The following DMD variants were observed in gnomAD, a reference collection of about 807,000 sequenced individuals.
DMD encodes the protein dystrophin.
In DMD, 63 loss-of-function variants were observed where a neutral mutation model predicts 330.1. The ratio of observed to expected loss-of-function variants is 0.19; its 90% CI spans 0.16 to 0.24. The LOEUF is 0.24. DMD is among the 10% of genes least tolerant of loss of function. The pLI is 1.00. For synonymous variants in DMD, 1,223 were observed against 959.8 expected (o/e 1.27, Z -5.07); for missense variants, 3,344 against 2,684.1 (o/e 1.25, Z -5.43).
chrX:31,838,096 T>A (rs908212924), intron 48 of DMD, among the ~76,000 whole-genome samples: 5 of 111,861 alleles, frequency 4.5e-5, no homozygotes, highest in African/African-American at 1.6e-4. Context: ...GGAATGACTG[T>A]ATGTCTTTGC....
At chrX:32,993,601 A>G (rs919113775) in intron 2 of DMD, among the ~76,000 whole-genome samples, 1 of 110,080 alleles carries the variant, frequency 9.1e-6, no homozygotes, top group African/African-American at 3.3e-5. Context: ...TCCATCTCAA[A>G]AAAAGGAAAA....
intron 43 of DMD, among the ~76,000 whole-genome samples, chrX:32,255,787 G>A (rs899427943): frequency 9.0e-6 from 1 of 111,647 alleles, no homozygotes; most frequent in African/African-American, 3.3e-5. Context: ...AAATCACAGA[G>A]TTATTTTACT....
chrX:32,737,619 A>G (rs2068688414), intron 7 of DMD, among the ~76,000 whole-genome samples: 1 of 111,977 alleles, frequency 8.9e-6, no homozygotes, highest in Non-Finnish European at 1.9e-5. Context: ...AAAAACATGT[A>G]TCTGTGGCAG....
At chrX:32,883,846 A>AGAAAAGAAAAG (rs768177600) in intron 2 of DMD, among the ~76,000 whole-genome samples, 6 of 101,965 alleles carry the variant, frequency 5.9e-5, no homozygotes, top group African/African-American at 2.2e-4. Context: ...AAAAAAAAAA[A>AGAAAAGAAAAG]AAAAAGAAAA....
chrX:31,752,040 A>C (rs1005869736), intron 51 of DMD, among the ~76,000 whole-genome samples: 5 of 111,064 alleles, frequency 4.5e-5, no homozygotes, highest in Non-Finnish European at 9.4e-5. Flanking sequence ...GCATCTTCCA[A>C]TCTCTCTTTT....
chrX:31,562,007 C>T (rs778915337), intron 55 of DMD, among the ~76,000 whole-genome samples: 1 of 112,063 alleles, frequency 8.9e-6, no homozygotes, highest in African/African-American at 3.2e-5. Flanking sequence ...TATATCTCTC[C>T]ATTCCTCCTT....
chrX:31,169,349 T>C (rs2039758997), intron 74 of DMD, 94 bp downstream of exon 74: 1 of 641,660 alleles, frequency 1.6e-6, no homozygotes, highest in African/African-American at 2.2e-5. Context: ...CAATTAGACA[T>C]AAAATGACTC....
intron 74 of DMD, among the ~76,000 whole-genome samples, chrX:31,155,510 T>C (rs1039127803): frequency 1.8e-5 from 2 of 112,414 alleles, no homozygotes; most frequent in African/African-American, 6.5e-5. Context: ...TACCCTCATA[T>C]AATATTAAAA....
At chrX:32,268,232 G>A (rs141229517) in intron 43 of DMD, among the ~76,000 whole-genome samples, 1,833 of 111,306 alleles carry the variant, frequency 0.016, 41 homozygotes, top group African/African-American at 0.056. Flanking sequence ...AGGGTACTCT[G>A]GTTGATGTCC....
At chrX:32,067,628 T>C (rs891975683) in intron 44 of DMD, among the ~76,000 whole-genome samples, 1 of 112,028 alleles carries the variant, frequency 8.9e-6, no homozygotes, top group Admixed American at 9.5e-5. Context: ...TGTTCTTATG[T>C]TAATTTGCTT....
chrX:32,883,683 G>A lies in DMD; in HGVS notation c.94-33863C>T, dbSNP rs111717122. Reference sequence around the variant, plus strand: ...ACTAAAAATACAAAAAATTAGCCGGGCATGGTGGCGGGCACCTGTAGTCCC... The same window carrying A: ...ACTAAAAATACAAAAAATTAGCCGGACATGGTGGCGGGCACCTGTAGTCCC... On this transcript the variant is annotated intron_variant, in intron 2 of 78. Coordinates refer to ENST00000357033, the MANE Select transcript of DMD (RefSeq NM_004006.3). 4.3e-3 allele frequency among the ~76,000 whole-genome samples: 468 copies of A among 107,729 alleles called. 8 individuals are homozygous for A. In the East Asian group the frequency reaches 0.065, roughly 15 times the overall value. The allele number at this position is 107,729 out of a possible 115,157, so 93.5% of individuals were successfully genotyped here. A position where few individuals can be genotyped will look rare whatever the true frequency, so the allele number is the denominator to read the frequency against.
intron 17 of DMD, among the ~76,000 whole-genome samples, chrX:32,537,842 C>A (rs1001570744): frequency 1.8e-5 from 2 of 112,317 alleles, no homozygotes; most frequent in East Asian, 5.6e-4. Flanking sequence ...TGTCTTCTTT[C>A]GTGTTGATAT....
At chrX:32,745,807 A>G (rs776660388) in intron 7 of DMD, among the ~76,000 whole-genome samples, 1 of 112,521 alleles carries the variant, frequency 8.9e-6, no homozygotes, top group Non-Finnish European at 1.9e-5. Flanking sequence ...CACGATTTGT[A>G]TAAGTAATGT....
chrX:31,682,645 G>C (rs1399133961), intron 52 of DMD, among the ~76,000 whole-genome samples: 1 of 111,845 alleles, frequency 8.9e-6, no homozygotes, highest in East Asian at 2.8e-4. Flanking sequence ...CTACTGTTAT[G>C]TACCATGTGT....
chrX:31,361,565 C>T (rs748612041), intron 60 of DMD, among the ~76,000 whole-genome samples: 1 of 111,173 alleles, frequency 9.0e-6, no homozygotes, highest in East Asian at 2.8e-4. Context: ...AGAGGTGACA[C>T]AGAACATCAT....
intron 1 of DMD, among the ~76,000 whole-genome samples, chrX:33,118,321 A>G (rs972081631): frequency 1.8e-5 from 2 of 109,648 alleles, no homozygotes; most frequent in Non-Finnish European, 3.8e-5. Flanking sequence ...CGTGTTAGCC[A>G]GGATGGTCTC....
intron 54 of DMD, among the ~76,000 whole-genome samples, chrX:31,645,252 G>A: frequency 9.0e-6 from 1 of 111,077 alleles, no homozygotes; most frequent in Non-Finnish European, 1.9e-5. Context: ...TACTTCGGTG[G>A]ATTTCTAAAA....
intron 61 of DMD, among the ~76,000 whole-genome samples, chrX:31,326,653 T>C (rs2056807497): frequency 9.2e-6 from 1 of 108,609 alleles, no homozygotes; most frequent in Admixed American, 9.9e-5. Flanking sequence ...TGCCCCATCA[T>C]AATCACATAC....
chrX:31,447,818 C>T (rs1024020527), intron 59 of DMD, among the ~76,000 whole-genome samples: 2 of 108,325 alleles, frequency 1.8e-5, no homozygotes, highest in African/African-American at 6.7e-5. Context: ...ACCAGACTGG[C>T]CAACATGGTG....
Sources: allele counts gnomAD v4.1 joint callset (sites outside exome capture counted in the v4.1 genomes callset), GRCh38; gene constraint gnomAD v4.1.1; transcripts MANE v1.5; gene names NCBI Gene and HGNC (gene_info 2026-07-23, HGNC 2026-07-21).